Variants in ENAH observed in about 807,000 individuals in gnomAD.
ENAH encodes ENAH actin regulator.
ENAH carries 23 observed loss-of-function variants against 78.7 expected under a neutral mutation model. The ratio of observed to expected loss-of-function variants is 0.29; its 90% CI spans 0.21 to 0.41. ENAH has a LOEUF of 0.41. Ranked by LOEUF, ENAH falls within the 10% of genes least tolerant of loss-of-function variation. The probability of loss-of-function intolerance (pLI) is 1.00; values close to 1 mark genes in which losing one functional copy is unlikely to be tolerated. For synonymous variants in ENAH, 226 were observed against 241.0 expected, an observed-to-expected ratio of 0.94 and a Z score of 0.58; for missense variants, 544 against 691.0, an observed-to-expected ratio of 0.79 and a Z score of 2.39.
chr1:225,554,996 A>T lies in ENAH; in HGVS notation c.259T>A (p.Tyr87Asn). 6.2e-7 allele frequency: 1 copy of T among 1,607,900 alleles called. No homozygotes were observed. Among genetic ancestry groups the T allele is most frequent in the Non-Finnish European group, 8.5e-7 (1 of 1,175,214 alleles). ...TCTTTGCTGCCAAAGTTGAGACCAT[A>T]CACCTGTCTAGCATCTCGCCACTGG... ...FHQWRDARQVYGLNFGSKEDA... is the reference protein window; with the variant it reads ...FHQWRDARQVNGLNFGSKEDA... The change falls in exon 3 of 14, where the codon TAT becomes AAT. Residue 87 changes from tyrosine (Y) to asparagine (N), a missense_variant. Tyr to Asn is a moderately radical substitution (Grantham distance 143). Around this residue, in one of 4 missense-constraint regions of ENAH, gnomAD observed 77 missense variants for 151.8 expected, o/e 0.51. Coordinates refer to ENST00000366843, the MANE Select transcript of ENAH (RefSeq NM_018212.6).
At chr1:225,514,984 T>A (rs1041669267) in intron 6 of ENAH, 84 bp from the exon 7 acceptor site, 1 of 1,130,802 alleles carries the variant, frequency 8.8e-7, no homozygotes, top group South Asian at 1.3e-5. Flanking sequence ...CAGAATGCCA[T>A]GCTAAATTAA....
intron 1 of ENAH, among the ~76,000 whole-genome samples, chr1:225,648,913 C>T (rs1277228295): frequency 2.6e-5 from 4 of 151,960 alleles, no homozygotes; most frequent in Non-Finnish European, 5.9e-5. Flanking sequence ...GAAGGAAACA[C>T]AGAAGAAGGG....
Position 225,497,069 on chromosome 1 carries a change from G to A in ENAH, c.*706C>T, listed in dbSNP as rs895452659. ...TTTGGTAAAGCATTGTAACAATTTA[G>A]GAAGGCATCTAAATCTTTAAGTTCT... On this transcript the variant is annotated 3_prime_UTR_variant, in exon 14 of 14. Transcript: ENST00000366843. 1 of 152,538 alleles carries A rather than the reference G, an allele frequency of 6.6e-6. No individual in the cohort carries two copies. The highest frequency in any genetic ancestry group is 1.5e-5 in the Non-Finnish European group (1 of 68,010). 9.4% of individuals were successfully genotyped at this position (152,538 alleles called of 1,614,324 possible).
chr1:225,652,755 G>C lies in ENAH; in HGVS notation c.-65C>G, dbSNP rs1191819041. ...CGCAGAAGGCGCCGAGCCGAGGGGG[G>C]GGTCTCTCCTCCAGGGGTGGGGAGC... is the stretch of plus-strand genomic sequence containing the variant. On this transcript the variant is annotated 5_prime_UTR_variant, in exon 1 of 14. Coordinates refer to ENST00000366843, the MANE Select transcript of ENAH (RefSeq NM_018212.6). 4.7e-6 allele frequency: 6 copies of C among 1,289,188 alleles called. No homozygotes were observed. The highest frequency in any genetic ancestry group is 4.9e-6 in the Non-Finnish European group (5 of 1,018,146). The allele number at this position is 1,289,188 out of a possible 1,614,324, so 79.9% of individuals were successfully genotyped here.
intron 10 of ENAH, among the ~76,000 whole-genome samples, chr1:225,510,194 T>C (rs1164595066): frequency 1.3e-5 from 2 of 152,228 alleles, no homozygotes; most frequent in Non-Finnish European, 2.9e-5. Flanking sequence ...TGATTTTATA[T>C]ATATGACACA....
intron 4 of ENAH, chr1:225,524,711 T>C (rs2096492330): frequency 1.1e-6 from 1 of 915,480 alleles, no homozygotes; most frequent in Admixed American, 6.2e-5. Flanking sequence ...CCGCAATTAT[T>C]ATTCCCCTTT....
At chr1:225,565,062 T>G (rs77521736) in intron 2 of ENAH, among the ~76,000 whole-genome samples, 6,670 of 152,266 alleles carry the variant, frequency 0.044, 232 homozygotes, top group South Asian at 0.11. Flanking sequence ...CATTCTATTT[T>G]CCAAAATCTA....
At chr1:225,604,335 G>A (rs540329749) in intron 1 of ENAH, among the ~76,000 whole-genome samples, 7 of 152,168 alleles carry the variant, frequency 4.6e-5, no homozygotes, top group East Asian at 1.9e-4. Context: ...GACTTGCTGA[G>A]GGAGAACAGG....
At position 225,601,523 on chromosome 1, in the gene ENAH, C is replaced by CAA. The variant is rs60046874; in HGVS notation, c.6-34111_6-34110dup. Among the ~76,000 whole-genome samples the CAA allele has an allele frequency of 2.9e-4, 27 of 93,676 alleles. No homozygotes were observed. The East Asian group carries it at 7.0e-3, about 24-fold the overall frequency. 61.5% of individuals were successfully genotyped at this position (93,676 alleles called of 152,430 possible). The stretch of plus-strand genomic sequence containing the variant: ...ACAGAGTGAGACTCCATCTCCCCGC[C>CAA]AAAAAAAAAAAAAAGAGAAGGTTCC... On this transcript the variant is annotated intron_variant, in intron 1 of 13. Transcript: ENST00000366843.
chr1:225,582,093 G>A (rs1558853408), intron 1 of ENAH, among the ~76,000 whole-genome samples: 1 of 152,044 alleles, frequency 6.6e-6, no homozygotes, highest in African/African-American at 2.4e-5. Context: ...CTTTCTGAAT[G>A]GTTTAGCAAC....
chr1:225,554,699 T>G (rs956730722), intron 3 of ENAH, among the ~76,000 whole-genome samples: 1 of 152,222 alleles, frequency 6.6e-6, no homozygotes, highest in Non-Finnish European at 1.5e-5. Context: ...TCTTTCTAGA[T>G]TATACATTTA....
intron 3 of ENAH, among the ~76,000 whole-genome samples, chr1:225,542,981 T>C (rs918248109): frequency 6.6e-6 from 1 of 150,748 alleles, no homozygotes; most frequent in Non-Finnish European, 1.5e-5. Flanking sequence ...ATCGCACCAC[T>C]GCACTCCAGA....
At chr1:225,632,238 C>T (rs564888990) in intron 1 of ENAH, among the ~76,000 whole-genome samples, 1 of 152,282 alleles carries the variant, frequency 6.6e-6, no homozygotes, top group African/African-American at 2.4e-5. Context: ...GGGGCTCACA[C>T]CTGTAATCCC....
chr1:225,607,802 AAAAG>A (rs2096964439), intron 1 of ENAH, among the ~76,000 whole-genome samples: 1 of 152,162 alleles, frequency 6.6e-6, no homozygotes, highest in African/African-American at 2.4e-5. Context: ...AACAGCCTAA[AAAAG>A]AGAGACCTGG....
chr1:225,604,988 A>G (rs1216519266), intron 1 of ENAH, among the ~76,000 whole-genome samples: 1 of 152,244 alleles, frequency 6.6e-6, no homozygotes, highest in Non-Finnish European at 1.5e-5. Flanking sequence ...CTGATAAAAA[A>G]GCAAAGGCTC....
At chr1:225,602,918 T>C (rs1013157769) in intron 1 of ENAH, among the ~76,000 whole-genome samples, 4 of 151,664 alleles carry the variant, frequency 2.6e-5, no homozygotes, top group Non-Finnish European at 2.9e-5. Flanking sequence ...AAGAATTCAA[T>C]AAACAGCCTA....
rs762547857 is a variant in ENAH at position 225,567,420 on chromosome 1, A to AAAAAT, written c.6-11_6-7dup. On this transcript the variant is annotated splice_region_variant and splice_polypyrimidine_tract_variant and intron_variant, in intron 1 of 13. Transcript: ENST00000366843. Reference sequence around the variant, plus strand: ...CCTGACAGATACTCTGTTCACTGTAAAAAATAAAATAAAATATTCAAACTT... The same window carrying AAAAAT: ...CCTGACAGATACTCTGTTCACTGTAAAAAATAAAATAAAATAAAATATTCAAACTT... The AAAAAT allele has an allele frequency of 6.3e-7, 1 of 1,597,048 alleles. No individual in the cohort carries two copies. Among genetic ancestry groups the AAAAAT allele is most frequent in the South Asian group, 1.1e-5 (1 of 88,382 alleles).
At position 225,501,370 on chromosome 1, in the gene ENAH, C is replaced by T. The variant is rs535601661; in HGVS notation, c.1539-300G>A. 15 of 275,666 alleles carry T rather than the reference C, an allele frequency of 5.4e-5. No homozygotes were observed. The South Asian group carries it at 1.8e-3, about 32-fold the overall frequency. 17.1% of individuals were successfully genotyped at this position (275,666 alleles called of 1,614,324 possible). A position where few individuals can be genotyped will look rare whatever the true frequency, so the allele number is the denominator to read the frequency against. ...CATGAGGTAACCAGGTAACGTGGCA[C>T]GTTGACCAAAACAGTGATGAAGAGG... On this transcript the variant is annotated intron_variant, in intron 11 of 13. Coordinates refer to ENST00000366843, the MANE Select transcript of ENAH (RefSeq NM_018212.6).
intron 3 of ENAH, among the ~76,000 whole-genome samples, chr1:225,531,658 T>G (rs372279424): frequency 1.2e-4 from 19 of 152,216 alleles, no homozygotes; most frequent in African/African-American, 4.6e-4. Context: ...TCTGAAAGAT[T>G]TGTAGACAAC....
Sources: allele counts gnomAD v4.1 joint callset (sites outside exome capture counted in the v4.1 genomes callset), GRCh38; gene constraint gnomAD v4.1.1; regional missense constraint gnomAD v4.1.1; transcripts MANE v1.5; gene names NCBI Gene and HGNC (gene_info 2026-07-23, HGNC 2026-07-21).